The following CACNA2D1 variants were observed in gnomAD, a reference collection of about 807,000 sequenced individuals.
The protein encoded by CACNA2D1 is calcium voltage-gated channel auxiliary subunit alpha2delta 1.
A neutral mutation model predicts 171.5 loss-of-function variants in CACNA2D1; 53 were observed. The observed-to-expected ratio is 0.31, with a 90% CI of 0.25 to 0.39. CACNA2D1 has a LOEUF of 0.39. Among genes scored for constraint, CACNA2D1 ranks in the 10% least tolerant of loss-of-function variants. The pLI, the probability that CACNA2D1 is intolerant of heterozygous loss-of-function variation, is 1.00. For synonymous variants in CACNA2D1, 442 were observed against 443.1 expected (o/e 1.00, Z 0.03); for missense variants, 903 against 1,299.8 (o/e 0.69, Z 4.69).
chr7:82,039,243 G>A (rs1038139154), intron 10 of CACNA2D1, among the ~76,000 whole-genome samples: 1 of 145,200 alleles, frequency 6.9e-6, no homozygotes, highest in South Asian at 2.2e-4. Context: ...ACATATTCTT[G>A]CAAATATAAT....
Position 81,971,861 on chromosome 7 carries a change from T to A in CACNA2D1, c.2057A>T (p.Asn686Ile). ...DRKTPNNPSC[N>I]ADLINRVLLD... ...CAAGACTCTATTAATCAAATCCGCG[T>A]TACCTAACACAGAAAAAGATCATCA... The change falls in exon 26 of 39, where the codon AAC becomes ATC. Residue 686 changes from asparagine to isoleucine, a missense_variant. Physicochemically the swap from Asn to Ile is moderately radical, Grantham distance 149. Around this residue, in one of 5 missense-constraint regions of CACNA2D1, gnomAD observed 623 missense variants for 925.5 expected, o/e 0.67. Transcript: ENST00000356860. The A allele has an allele frequency of 6.3e-7, 1 of 1,590,740 alleles. No individual in the cohort carries two copies. The highest frequency in any genetic ancestry group is 1.7e-5 in the Admixed American group (1 of 59,788).
chr7:82,120,279 A>G (rs1238261312), intron 5 of CACNA2D1, among the ~76,000 whole-genome samples: 2 of 152,156 alleles, frequency 1.3e-5, no homozygotes, highest in African/African-American at 4.8e-5. Flanking sequence ...GTATGTACGT[A>G]TATTTTCAAA....
chr7:82,169,550 C>A (rs1795808038), intron 4 of CACNA2D1, among the ~76,000 whole-genome samples: 1 of 151,928 alleles, frequency 6.6e-6, no homozygotes, highest in Non-Finnish European at 1.5e-5. Flanking sequence ...GTGCATTTTC[C>A]TTTGATATTC....
intron 24 of CACNA2D1, among the ~76,000 whole-genome samples, chr7:81,976,872 G>T (rs1478040232): frequency 2.0e-5 from 3 of 151,990 alleles, no homozygotes; most frequent in Non-Finnish European, 4.4e-5. Context: ...AAAAAAAAAG[G>T]AATGCTTGTG....
chr7:81,970,982 G>A (rs1232570577), intron 26 of CACNA2D1: 2 of 487,990 alleles, frequency 4.1e-6, no homozygotes, highest in African/African-American at 3.9e-5. Flanking sequence ...TGACAGCAAT[G>A]ACACAGAAAG....
chr7:82,151,480 AAG>A (rs1793850549), intron 4 of CACNA2D1, among the ~76,000 whole-genome samples: 1 of 152,128 alleles, frequency 6.6e-6, no homozygotes, highest in African/African-American at 2.4e-5. Context: ...AATCTATCCT[AAG>A]TTGTTTTGGC....
rs182164751 is a variant in CACNA2D1, at chr7:82,053,180, A to G, written c.879+7248T>C. ...GGCAGGAGAATGGCGTGAACCTGGGAGGCGGAGCTTGCAGTGAGCCGAGAT... is the reference window on the plus strand; with the variant it reads ...GGCAGGAGAATGGCGTGAACCTGGGGGGCGGAGCTTGCAGTGAGCCGAGAT... On this transcript the variant is annotated intron_variant, in intron 10 of 38. Transcript: ENST00000356860. Among the ~76,000 whole-genome samples, 94 of 144,456 alleles carry G rather than the reference A, an allele frequency of 6.5e-4. No homozygotes were observed. In the East Asian group the frequency reaches 0.019, roughly 29 times the overall value. 94.8% of individuals were successfully genotyped at this position (144,456 alleles called of 152,430 possible). A position where few individuals can be genotyped will look rare whatever the true frequency, so the allele number is the denominator to read the frequency against.
At chr7:82,215,891 A>G (rs1801046257) in intron 3 of CACNA2D1, among the ~76,000 whole-genome samples, 1 of 152,184 alleles carries the variant, frequency 6.6e-6, no homozygotes, top group African/African-American at 2.4e-5. Flanking sequence ...AGATGCATTT[A>G]TTCTGATATG....
chr7:82,294,505 T>A (rs1375640318), intron 3 of CACNA2D1, among the ~76,000 whole-genome samples: 1 of 152,120 alleles, frequency 6.6e-6, no homozygotes, highest in African/African-American at 2.4e-5. Context: ...TACTCTGAGA[T>A]GAGCTATTTT....
chr7:82,206,601 T>C (rs1264582442), intron 3 of CACNA2D1, among the ~76,000 whole-genome samples: 1 of 152,152 alleles, frequency 6.6e-6, no homozygotes, highest in Non-Finnish European at 1.5e-5. Flanking sequence ...ACAGTTTCTA[T>C]TCCATTTCTT....
At chr7:82,145,750 A>ACCCTCTAAATAGTTTAC (rs1410935005) in intron 4 of CACNA2D1, among the ~76,000 whole-genome samples, 1 of 149,936 alleles carries the variant, frequency 6.7e-6, no homozygotes, top group African/African-American at 2.4e-5. Flanking sequence ...CTATATGTAC[A>ACCCTCTAAATAGTTTAC]CCCTCTAAAT....
intron 3 of CACNA2D1, among the ~76,000 whole-genome samples, chr7:82,172,746 G>T (rs746857982): frequency 2.9e-5 from 4 of 137,722 alleles, no homozygotes; most frequent in Non-Finnish European, 4.6e-5. Flanking sequence ...CCAAAGACAT[G>T]CCCTTGACAA....
intron 3 of CACNA2D1, among the ~76,000 whole-genome samples, chr7:82,332,083 C>T (rs545829645): frequency 8.5e-5 from 13 of 152,106 alleles, no homozygotes; most frequent in East Asian, 3.9e-4. Flanking sequence ...TTTTTTGAGA[C>T]GGAGTCTTGC....
At chr7:82,197,745 T>C (rs2129199043) in intron 3 of CACNA2D1, among the ~76,000 whole-genome samples, 1 of 152,174 alleles carries the variant, frequency 6.6e-6, no homozygotes, top group African/African-American at 2.4e-5. Context: ...TGCATGAAAA[T>C]AACATTTCCA....
chr7:82,026,751 T>C (rs1801973024), intron 12 of CACNA2D1, among the ~76,000 whole-genome samples: 1 of 151,760 alleles, frequency 6.6e-6, no homozygotes, highest in South Asian at 2.1e-4. Context: ...TTTGAAGCCA[T>C]ATTTGAAGAT....
chr7:82,388,878 G>A (rs1487747189), intron 1 of CACNA2D1, among the ~76,000 whole-genome samples: 5 of 151,972 alleles, frequency 3.3e-5, no homozygotes, highest in African/African-American at 1.2e-4. Flanking sequence ...CACTTTAGGA[G>A]GCCGAGGCTG....
intron 4 of CACNA2D1, among the ~76,000 whole-genome samples, chr7:82,158,827 T>A (rs992183142): frequency 2.0e-5 from 3 of 151,890 alleles, no homozygotes; most frequent in Non-Finnish European, 4.4e-5. Flanking sequence ...ATAGTTTTGA[T>A]ACTTACTTCA....
chr7:82,400,907 A>T (rs1219668967), intron 1 of CACNA2D1, among the ~76,000 whole-genome samples: 2 of 152,152 alleles, frequency 1.3e-5, no homozygotes, highest in Admixed American at 1.3e-4. Context: ...ACATGAACAG[A>T]CACTTCTCAA....
chr7:82,372,202 T>C (rs1274410849), intron 1 of CACNA2D1, among the ~76,000 whole-genome samples: 1 of 152,156 alleles, frequency 6.6e-6, no homozygotes, highest in Admixed American at 6.5e-5. Flanking sequence ...AACTGTAGAT[T>C]ATTGGATTTG....
Sources: allele counts gnomAD v4.1 joint callset (sites outside exome capture counted in the v4.1 genomes callset), GRCh38; gene constraint gnomAD v4.1.1; regional missense constraint gnomAD v4.1.1; transcripts MANE v1.5; gene names NCBI Gene and HGNC (gene_info 2026-07-23, HGNC 2026-07-21).